The following CCDC136 variants were observed in gnomAD, a reference collection of about 807,000 sequenced individuals.
CCDC136 encodes coiled-coil domain containing 136, also known as coiled-coil domain-containing protein 136.
CCDC136 carries 100 observed loss-of-function variants against 141.2 expected under a neutral mutation model. The ratio of observed to expected loss-of-function variants is 0.71; its 90% CI spans 0.60 to 0.84. The LOEUF (loss-of-function observed/expected upper bound fraction) is 0.84, where lower values mean the gene tolerates loss of function less well. CCDC136 is among the 40% of genes least tolerant of loss of function. The pLI is 0.00. For missense variants in CCDC136, 1,206 were observed against 1,379.4 expected, an observed-to-expected ratio of 0.87 and a Z score of 1.99; for synonymous variants, 474 against 531.9, an observed-to-expected ratio of 0.89 and a Z score of 1.50.
At position 128,792,957 on chromosome 7, in the gene CCDC136, C is replaced by G. The variant is rs1802412037; in HGVS notation, c.16+530C>G. Among the ~76,000 whole-genome samples the G allele has an allele frequency of 2.6e-5, 4 of 152,364 alleles. No homozygotes were observed. In the South Asian group the frequency reaches 8.3e-4, roughly 32 times the overall value. Reference sequence around the variant, plus strand: ...GTGTATCCCCACCACACCCATGTGACTTGGCAGTTGCTGCCAACACCAGGC... The same window carrying G: ...GTGTATCCCCACCACACCCATGTGAGTTGGCAGTTGCTGCCAACACCAGGC... On this transcript the variant is annotated intron_variant, in intron 1 of 17. Coordinates refer to ENST00000297788, the MANE Select transcript of CCDC136 (RefSeq NM_022742.5).
intron 3 of CCDC136, among the ~76,000 whole-genome samples, chr7:128,797,650 G>T (rs1416181285): frequency 6.6e-6 from 1 of 152,172 alleles, no homozygotes; most frequent in Non-Finnish European, 1.5e-5. Context: ...GATTGGATTG[G>T]GTTTGGAGAG....
chr7:128,791,195 C>G (rs983045641), upstream of CCDC136, among the ~76,000 whole-genome samples: 1 of 152,164 alleles, frequency 6.6e-6, no homozygotes, highest in Non-Finnish European at 1.5e-5. This position sits in a 1 kb window ranked among gnomAD's most constrained non-coding sequence, Gnocchi z 7.1. Context: ...CAGCCATAAG[C>G]CTAGGAGCTC....
intron 10 of CCDC136, among the ~76,000 whole-genome samples, chr7:128,808,315 G>A (rs562313974): frequency 4.6e-5 from 7 of 152,310 alleles, no homozygotes; most frequent in African/African-American, 1.4e-4. Context: ...GGGATTACAG[G>A]CATGAGCCGC....
upstream of CCDC136, among the ~76,000 whole-genome samples, chr7:128,791,143 C>A (rs951329021): frequency 3.3e-5 from 5 of 152,168 alleles, no homozygotes; most frequent in Non-Finnish European, 7.4e-5. The surrounding 1 kb of genome is among the most constrained non-coding windows in gnomAD (Gnocchi z 7.1). Context: ...CCCGGGGGGA[C>A]CCGCCGCCAG....
chr7:128,793,126 AAAGT>A (rs1802445092), intron 1 of CCDC136, among the ~76,000 whole-genome samples: 1 of 152,270 alleles, frequency 6.6e-6, no homozygotes, highest in Admixed American at 6.5e-5. Flanking sequence ...GATATTAGAT[AAAGT>A]AAGACCAGAG....
In CCDC136 at chr7:128,805,536, A is replaced by G; in HGVS notation, c.948+12A>G. The stretch of plus-strand genomic sequence containing the variant: ...GCATGAAGAACAAGGTAGGGCACAG[A>G]GGGTGGGGAAGGCAGGCACATTTCT... On this transcript the variant is annotated intron_variant, in intron 6 of 17. Transcript: ENST00000297788. The surrounding 1 kb of genome is among the most constrained non-coding windows in gnomAD (Gnocchi z 4.6). The G allele has an allele frequency of 6.3e-7, 1 of 1,589,888 alleles. No individual in the cohort carries two copies. The highest frequency in any genetic ancestry group is 1.3e-5 in the African/African-American group (1 of 74,422).
intron 17 of CCDC136, among the ~76,000 whole-genome samples, chr7:128,820,929 T>A (rs970351714): frequency 1.3e-5 from 2 of 152,214 alleles, no homozygotes; most frequent in African/African-American, 4.8e-5. Flanking sequence ...CTATATTCCA[T>A]TTTTACTTGA....
chr7:128,813,751 C>T (rs992186331), intron 14 of CCDC136, among the ~76,000 whole-genome samples: 12 of 152,198 alleles, frequency 7.9e-5, no homozygotes, highest in East Asian at 1.9e-4. Flanking sequence ...GAGGCCGAGG[C>T]GGGTGGATCA....
chr7:128,796,739 A>ATATATATATATATATATTTTTTTT, intron 3 of CCDC136, among the ~76,000 whole-genome samples: 2 of 113,376 alleles, frequency 1.8e-5, no homozygotes, highest in African/African-American at 9.2e-5. Flanking sequence ...ATATATATAT[A>ATATATATATATATATATTTTTTTT]TTCTTTTTTT....
intron 4 of CCDC136, among the ~76,000 whole-genome samples, chr7:128,803,602 A>C (rs1157443230): frequency 6.6e-6 from 1 of 152,180 alleles, no homozygotes; most frequent in African/African-American, 2.4e-5. Context: ...GCAGTGAGCC[A>C]TGACTGTGCC....
intron 1 of CCDC136, among the ~76,000 whole-genome samples, chr7:128,792,633 A>G (rs961542911): frequency 6.6e-5 from 10 of 151,524 alleles, no homozygotes; most frequent in Admixed American, 1.3e-4. Context: ...CGGGACCCCA[A>G]TCACCCCCCA....
In CCDC136 at chr7:128,812,102, CA is replaced by C. The variant is rs1288232632; in HGVS notation, c.2332del (p.Ser778AlafsTer77). ...DNESYYKSYT[S>X]TQTSSKSFLK... ...ATGAGAGCTATTACAAGAGTTACAC[CA>C]GCACCCAGACCAGCAGCAAGAGCTT... On this transcript the variant is annotated frameshift_variant, in exon 13 of 18. Coordinates refer to ENST00000297788, the MANE Select transcript of CCDC136 (RefSeq NM_022742.5). LOFTEE classifies it high-confidence loss of function. The C allele has an allele frequency of 6.2e-7, 1 of 1,613,884 alleles. No individual in the cohort carries two copies. The highest frequency in any genetic ancestry group is 2.2e-5 in the East Asian group (1 of 44,902).
At position 128,817,924 on chromosome 7, in the gene CCDC136, C is replaced by G; in HGVS notation, c.*5+60C>G. 7.9e-7 allele frequency: 1 copy of G among 1,267,848 alleles called. No homozygotes were observed. The highest frequency in any genetic ancestry group is 1.8e-5 in the Admixed American group (1 of 54,776). The allele number at this position is 1,267,848 out of a possible 1,614,324, so 78.5% of individuals were successfully genotyped here. ...GAGGGAGGGTGCAGGTTGCCCTGGC[C>G]TCTCCTCTTTCCCTTTTCTCCCAGC... On this transcript the variant is annotated intron_variant, in intron 17 of 17. Coordinates refer to ENST00000297788, the MANE Select transcript of CCDC136 (RefSeq NM_022742.5). This position sits in a 1 kb window ranked among gnomAD's most constrained non-coding sequence, Gnocchi z 4.6.
chr7:128,794,035 A>C lies in CCDC136; in HGVS notation c.17-313A>C, dbSNP rs1802582809. On this transcript the variant is annotated intron_variant, in intron 1 of 17. Coordinates refer to ENST00000297788, the MANE Select transcript of CCDC136 (RefSeq NM_022742.5). The surrounding 1 kb of genome is among the most constrained non-coding windows in gnomAD (Gnocchi z 4.3). ...TGTCCTGCTACTCAGAGGCCAGCCT[A>C]GAAGAAGCAGGTAATCCTGTGCAAG... Among the ~76,000 whole-genome samples the C allele has an allele frequency of 6.6e-6, 1 of 152,242 alleles. No homozygotes were observed. The highest frequency in any genetic ancestry group is 2.4e-5 in the African/African-American group (1 of 41,462).
rs1805972601 is a variant in CCDC136 at position 128,812,763 on chromosome 7, T to C, written c.2597T>C (p.Met866Thr). 4 of 1,613,258 alleles carry C rather than the reference T, an allele frequency of 2.5e-6. No homozygotes were observed. The highest frequency in any genetic ancestry group is 3.4e-6 in the Non-Finnish European group (4 of 1,179,836). Reference protein sequence around the residue: ...VLIKLQAVQAMYQISQEEHSQ... With the variant: ...VLIKLQAVQATYQISQEEHSQ... ...ATCAAGCTGCAGGCGGTGCAGGCCATGTACCAGATAAGCCAGGAGGAACAC... is the reference window on the plus strand; with the variant it reads ...ATCAAGCTGCAGGCGGTGCAGGCCACGTACCAGATAAGCCAGGAGGAACAC... Residue 866 changes from methionine (M) to threonine (T), a missense_variant, in exon 14 of 18, where the codon ATG (methionine) becomes ACG (threonine). Coordinates refer to ENST00000297788, the MANE Select transcript of CCDC136 (RefSeq NM_022742.5).
intron 12 of CCDC136, among the ~76,000 whole-genome samples, chr7:128,811,109 C>T (rs1373311296): frequency 6.6e-6 from 1 of 152,198 alleles, no homozygotes; most frequent in African/African-American, 2.4e-5. Context: ...CAAATCTATT[C>T]ATTCAGATCT....
Position 128,809,419 on chromosome 7 carries a change from CCACCCCCTCCA to C in CCDC136, c.1606-25_1606-15del. 7.0e-7 allele frequency: 1 copy of C among 1,424,398 alleles called. No individual in the cohort carries two copies. Among genetic ancestry groups the C allele is most frequent in the Non-Finnish European group, 9.6e-7 (1 of 1,036,674 alleles). 88.2% of individuals were successfully genotyped at this position (1,424,398 alleles called of 1,614,324 possible). On this transcript the variant is annotated intron_variant, in intron 10 of 17. Coordinates refer to ENST00000297788, the MANE Select transcript of CCDC136 (RefSeq NM_022742.5). ...CCAAGAAGCTTACCTTACAGAGTAA[CCACCCCCTCCA>C]CACCCGCCCCCACCCACAGTGTGAC...
chr7:128,805,956 G>A lies in CCDC136; in HGVS notation c.1089+55G>A, dbSNP rs1804774488. On this transcript the variant is annotated intron_variant, in intron 7 of 17. Transcript: ENST00000297788. The surrounding 1 kb of genome is among the most constrained non-coding windows in gnomAD (Gnocchi z 4.6). The stretch of plus-strand genomic sequence containing the variant: ...TGGGGGCAGAAGGGCCTCATGGAGG[G>A]GCTGCTTCAACCGGGGTGGGCACAG... 1.2e-6 allele frequency: 2 copies of A among 1,602,872 alleles called. No individual in the cohort carries two copies. Among genetic ancestry groups the A allele is most frequent in the Non-Finnish European group, 1.7e-6 (2 of 1,172,326 alleles).
chr7:128,808,626 GT>G (rs1227588328), intron 10 of CCDC136: 1 of 985,300 alleles, frequency 1.0e-6, no homozygotes. Flanking sequence ...AAACTCAGTA[GT>G]TCCTGTCCCT....
Sources: gnomAD v4.1 joint callset for allele counts (sites outside exome capture counted in the v4.1 genomes callset) on GRCh38, gnomAD v4.1.1 for gene constraint, Gnocchi (gnomAD v3.1) non-coding constraint, MANE v1.5 for transcripts, NCBI Gene and HGNC (gene_info 2026-07-23, HGNC 2026-07-21) for gene names.